The following KLHL17 variants were observed in gnomAD, a reference collection of about 807,000 sequenced individuals.
KLHL17 encodes kelch like family member 17, also known as kelch-like protein 17.
KLHL17 carries 71 observed loss-of-function variants against 64.6 expected under a neutral mutation model. That is an observed-to-expected ratio of 1.10 (90% confidence interval 0.91 to 1.34). The LOEUF (loss-of-function observed/expected upper bound fraction) is 1.34. KLHL17 is among the 40% of genes most tolerant of loss of function. The pLI is 0.00. For synonymous variants in KLHL17, 612 were observed against 405.4 expected, an observed-to-expected ratio of 1.51 and a Z score of -6.12; for missense variants, 1,140 against 935.0, an observed-to-expected ratio of 1.22 and a Z score of -2.86.
Position 965,210 on chromosome 1 carries a change from C to G in KLHL17, c.*19C>G, listed in dbSNP as rs759215799. ...CCTCTGACCCACCTACCACCAGAGG[C>G]CTGCAGCCTCCCACATGCCTTAAGG... is the stretch of plus-strand genomic sequence containing the variant. On this transcript the variant is annotated 3_prime_UTR_variant, in exon 12 of 12. Transcript: ENST00000338591. The G allele has an allele frequency of 8.4e-5, 135 of 1,606,092 alleles. 2 individuals carry two copies. The Admixed American group carries it at 2.2e-3, about 27-fold the overall frequency.
chr1:964,208 C>G (rs1207934946), intron 10 of KLHL17, 28 bp downstream of exon 10: 1 of 1,611,106 alleles, frequency 6.2e-7, no homozygotes, highest in South Asian at 1.1e-5. Flanking sequence ...CCTGGCCACC[C>G]CCTCCCGTGC....
At chr1:964,935 C>T (rs778846692) in intron 11 of KLHL17, 28 bp from the exon 12 acceptor site, 15 of 1,531,662 alleles carry the variant, frequency 9.8e-6, no homozygotes, top group Middle Eastern at 1.7e-4. Flanking sequence ...CTTCCTGCAG[C>T]CAGGGGCTCA....
rs533024099 is a variant in KLHL17, at chr1:965,411, C to T, written c.*220C>T. The T allele has an allele frequency of 3.6e-6, 2 of 556,726 alleles. No individual in the cohort carries two copies. The highest frequency in any genetic ancestry group is 3.1e-5 in the East Asian group (1 of 32,470). The allele number at this position is 556,726 out of a possible 1,614,324, so 34.5% of individuals were successfully genotyped here. On this transcript the variant is annotated 3_prime_UTR_variant, in exon 12 of 12. Coordinates refer to ENST00000338591, the MANE Select transcript of KLHL17 (RefSeq NM_198317.3). ...AGCGTCTGGTCCTCCTGCGTGTCCT[C>T]CCCTCCACTGCCTGCATGGGGGGCG...
Position 964,961 on chromosome 1 carries a change from A to G in KLHL17, c.1701-2A>G, listed in dbSNP as rs768793893. ...CAGGGGCTCACCCCGCCTTCCCCCC[A>G]GGAGCACGCATGACCTGGTGGCCAT... On this transcript the variant is annotated splice_acceptor_variant, in intron 11 of 11. Transcript: ENST00000338591. LOFTEE classifies it high-confidence loss of function. 2 of 1,592,226 alleles carry G rather than the reference A, an allele frequency of 1.3e-6. No homozygotes were observed. Among genetic ancestry groups the G allele is most frequent in the East Asian group, 2.3e-5 (1 of 43,942 alleles).
At chr1:964,293 G>T in intron 10 of KLHL17, 56 bp from the exon 11 acceptor site, 1 of 1,581,258 alleles carries the variant, frequency 6.3e-7, no homozygotes, top group South Asian at 1.1e-5. Context: ...TCGGGGCTGC[G>T]GCAGAGGAGG....
Position 961,764 on chromosome 1 carries a change from C to A in KLHL17, c.489+14C>A. ...GGCAATGTGCAGGTGAGGGCTCCCT[C>A]ACCCGGATCCCGGTGTCCCCCGACC... On this transcript the variant is annotated intron_variant, in intron 3 of 11. Coordinates refer to ENST00000338591, the MANE Select transcript of KLHL17 (RefSeq NM_198317.3). 1 of 1,611,744 alleles carries A rather than the reference C, an allele frequency of 6.2e-7. No individual in the cohort carries two copies.
intron 2 of KLHL17, 23 bp downstream of exon 2, chr1:961,575 C>T (rs749012516): frequency 3.7e-6 from 6 of 1,612,704 alleles, no homozygotes; most frequent in East Asian, 2.2e-5. Context: ...CTGGGCGGCG[C>T]TGGGGGCTCC....
At position 964,092 on chromosome 1, in the gene KLHL17, G is replaced by A. The variant is rs1247393637; in HGVS notation, c.1445-15G>A. On this transcript the variant is annotated splice_polypyrimidine_tract_variant and intron_variant, in intron 9 of 11. Coordinates refer to ENST00000338591, the MANE Select transcript of KLHL17 (RefSeq NM_198317.3). Reference sequence around the variant, plus strand: ...CTCCCAGCAGGAGTGCCACGGGTGTGTTGACTTCCGGCAGATGGGAACCTG... The same window carrying A: ...CTCCCAGCAGGAGTGCCACGGGTGTATTGACTTCCGGCAGATGGGAACCTG... 2 of 1,612,578 alleles carry A rather than the reference G, an allele frequency of 1.2e-6. No homozygotes were observed. The highest frequency in any genetic ancestry group is 1.7e-6 in the Non-Finnish European group (2 of 1,179,940).
intron 1 of KLHL17, 54 bp from the exon 2 acceptor site, chr1:961,239 A>AGGGC (rs1456745019): frequency 1.2e-5 from 15 of 1,280,702 alleles, no homozygotes; most frequent in South Asian, 4.9e-5. Context: ...CAGCGGCTCC[A>AGGGC]GGGCGGGCGG....
rs765164447 is a variant in KLHL17 at position 964,236 on chromosome 1, C to A, written c.1518+56C>A. On this transcript the variant is annotated intron_variant, in intron 10 of 11. Transcript: ENST00000338591. ...TCCCGTGCGCCGCGGGGCCCTCCTCCCTCTGTTTACCCACATCCCCCCCAT... is the reference window on the plus strand; with the variant it reads ...TCCCGTGCGCCGCGGGGCCCTCCTCACTCTGTTTACCCACATCCCCCCCAT... 3.1e-6 allele frequency: 5 copies of A among 1,603,780 alleles called. No individual in the cohort carries two copies. In the African/African-American group the frequency reaches 6.7e-5, roughly 21 times the overall value.
Position 963,106 on chromosome 1 carries a change from C to T in KLHL17, c.1043-3C>T, listed in dbSNP as rs1029305830. On this transcript the variant is annotated splice_polypyrimidine_tract_variant and splice_region_variant and intron_variant, in intron 6 of 11. Coordinates refer to ENST00000338591, the MANE Select transcript of KLHL17 (RefSeq NM_198317.3). ...GAGTCCCGTCTCCACCTGCCCTCCC[C>T]AGGCGGCGGGAGCCTGTTTGCCATC... 2.5e-6 allele frequency: 4 copies of T among 1,611,244 alleles called. No individual in the cohort carries two copies. The highest frequency in any genetic ancestry group is 1.7e-5 in the Admixed American group (1 of 59,912).
chr1:962,942 C>G (rs771217410), intron 6 of KLHL17, 25 bp downstream of exon 6: 8 of 1,536,022 alleles, frequency 5.2e-6, no homozygotes, highest in Admixed American at 1.9e-5. Flanking sequence ...CCGTTTCCCT[C>G]TTGCCCTGTG....
rs1481907624 is a variant in KLHL17, at chr1:965,249, C to G, written c.*58C>G. On this transcript the variant is annotated 3_prime_UTR_variant, in exon 12 of 12. Coordinates refer to ENST00000338591, the MANE Select transcript of KLHL17 (RefSeq NM_198317.3). ...CATGCCTTAAGGGGACCGTGGCCCC[C>G]ACCAGGGACGTCCTGCGCCATCCGT... is the stretch of plus-strand genomic sequence containing the variant. 1.4e-6 allele frequency: 2 copies of G among 1,450,586 alleles called. No individual in the cohort carries two copies. The highest frequency in any genetic ancestry group is 1.9e-6 in the Non-Finnish European group (2 of 1,045,936). The allele number at this position is 1,450,586 out of a possible 1,614,324, so 89.9% of individuals were successfully genotyped here.
chr1:963,575 A>AG (rs1642757358), intron 8 of KLHL17, 71 bp downstream of exon 8: 1 of 1,502,578 alleles, frequency 6.7e-7, no homozygotes, highest in African/African-American at 1.4e-5. Context: ...TCACCATCAC[A>AG]GGGGTCGTAT....
rs140137033 is a variant in KLHL17, at chr1:961,687, C to G, written c.426C>G (p.Ala142=). ...CGCTGCACGACATCGACCCTCAGGC[C>G]TTGGACCAGCTGGTGCAGTTTGCCT... The part of the protein sequence containing the change: ...HVTLHDIDPQ[A]LDQLVQFAYT... The change falls in exon 3 of 12, where the codon GCC becomes GCG. Residue 142 remains alanine, a synonymous_variant. Transcript: ENST00000338591. 1 of 1,612,352 alleles carries G rather than the reference C, an allele frequency of 6.2e-7. No individual in the cohort carries two copies. Among genetic ancestry groups the G allele is most frequent in the Non-Finnish European group, 8.5e-7 (1 of 1,179,624 alleles).
intron 5 of KLHL17, 47 bp from the exon 6 acceptor site, chr1:962,657 A>G (rs765490427): frequency 1.6e-5 from 24 of 1,543,234 alleles, no homozygotes; most frequent in African/African-American, 6.8e-5. Flanking sequence ...CCTGACGCCC[A>G]GTGTGCCCGA....
At position 960,723 on chromosome 1, in the gene KLHL17, C is replaced by T. The variant is rs1642598301; in HGVS notation, c.30C>T (p.Gly10=). MQPRSERPA[G]RTQSPEHGSP... ...AGCCCCGCAGCGAGCGCCCGGCCGG[C>T]AGGACGCAGAGCCCGGAGCACGGCA... The change falls in exon 1 of 12, where the codon GGC becomes GGT. Residue 10 remains glycine, a synonymous_variant. Coordinates refer to ENST00000338591, the MANE Select transcript of KLHL17 (RefSeq NM_198317.3). 3.0e-6 allele frequency: 4 copies of T among 1,343,132 alleles called. No individual in the cohort carries two copies. Among genetic ancestry groups the T allele is most frequent in the Non-Finnish European group, 3.8e-6 (4 of 1,039,896 alleles). 83.2% of individuals were successfully genotyped at this position (1,343,132 alleles called of 1,614,324 possible). A position where few individuals can be genotyped will look rare whatever the true frequency, so the allele number is the denominator to read the frequency against.
chr1:962,669 G>A lies in KLHL17; in HGVS notation c.829-35G>A, dbSNP rs755975870. The A allele has an allele frequency of 9.0e-6, 14 of 1,555,318 alleles. No individual in the cohort carries two copies. The East Asian group carries it at 1.6e-4, about 18-fold the overall frequency. ...AGCCCTGACGCCCAGTGTGCCCGAGGGTCCCGCCTGACCTTGGCGTTCCCT... is the reference window on the plus strand; with the variant it reads ...AGCCCTGACGCCCAGTGTGCCCGAGAGTCCCGCCTGACCTTGGCGTTCCCT... On this transcript the variant is annotated intron_variant, in intron 5 of 11. Transcript: ENST00000338591.
In KLHL17 at chr1:963,219, G is replaced by A. The variant is rs748987362; in HGVS notation, c.1153G>A (p.Ala385Thr). 2 of 1,607,166 alleles carry A rather than the reference G, an allele frequency of 1.2e-6. No individual in the cohort carries two copies. The highest frequency in any genetic ancestry group is 1.3e-5 in the African/African-American group (1 of 74,854). Residue 385 changes from alanine to threonine, a missense_variant, in exon 7 of 12, where the codon GCT becomes ACT. Transcript: ENST00000338591. ...MSTRRARVGV[A>T]AVGNRLYAVG... is the part of the protein sequence containing the mutation. ...CACGCGCCGGGCCCGGGTGGGAGTGGCTGCGGTGGGGAACCGGCTCTATGC... is the reference window on the plus strand; with the variant it reads ...CACGCGCCGGGCCCGGGTGGGAGTGACTGCGGTGGGGAACCGGCTCTATGC...
Sources: gnomAD v4.1 joint callset for allele counts on GRCh38, gnomAD v4.1.1 for gene constraint, MANE v1.5 for transcripts, NCBI Gene and HGNC (gene_info 2026-07-23, HGNC 2026-07-21) for gene names.